ERBB4: variants seen among roughly 807,000 people sequenced by gnomAD.
The protein encoded by ERBB4 is erb-b2 receptor tyrosine kinase 4, also known as receptor tyrosine-protein kinase erbB-4.
Under a neutral mutation model 158.0 loss-of-function variants are expected in ERBB4, and 42 were observed. The observed-to-expected ratio is 0.27, with a 90% CI of 0.21 to 0.34. The LOEUF is 0.34. Ranked by LOEUF, ERBB4 falls within the 10% of genes least tolerant of loss-of-function variation. The pLI is 1.00. For missense variants in ERBB4, 1,333 were observed against 1,624.1 expected, an observed-to-expected ratio of 0.82 and a Z score of 3.08; for synonymous variants, 583 against 558.7, an observed-to-expected ratio of 1.04 and a Z score of -0.61.
chr2:212,510,205 GTATATATATATATATATA>G (rs10556403), intron 1 of ERBB4, among the ~76,000 whole-genome samples: 2 of 130,474 alleles, frequency 1.5e-5, no homozygotes, highest in South Asian at 4.9e-4. Context: ...TAACCACACA[GTATATATATATATATATA>G]TATATATATA....
rs1002924815 is a variant in ERBB4, at chr2:211,523,139, G to C, written c.2487+38764C>G. 7.6e-5 allele frequency among the ~76,000 whole-genome samples: 11 copies of C among 145,442 alleles called. No individual in the cohort carries two copies. The Admixed American group carries it at 8.0e-4, about 11-fold the overall frequency. On this transcript the variant is annotated intron_variant, in intron 20 of 27. Coordinates refer to ENST00000342788, the MANE Select transcript of ERBB4 (RefSeq NM_005235.3). ...GCCCCACTGACAGTACCCCACATAGGAACACCAAATTCAACAACTGCCTAA... is the reference window on the plus strand; with the variant it reads ...GCCCCACTGACAGTACCCCACATAGCAACACCAAATTCAACAACTGCCTAA...
At chr2:211,750,200 C>T (rs2075091141) in intron 5 of ERBB4, among the ~76,000 whole-genome samples, 1 of 152,098 alleles carries the variant, frequency 6.6e-6, no homozygotes, top group Non-Finnish European at 1.5e-5. Flanking sequence ...GTGCCTGGAA[C>T]AGTGCCTGGA....
intron 1 of ERBB4, among the ~76,000 whole-genome samples, chr2:212,393,044 G>A (rs2090924392): frequency 1.3e-5 from 2 of 152,018 alleles, no homozygotes; most frequent in South Asian, 2.1e-4. Context: ...GCAAGCCCTG[G>A]GCAAATTGGC....
intron 1 of ERBB4, among the ~76,000 whole-genome samples, chr2:212,477,504 G>A (rs771549692): frequency 2.6e-5 from 4 of 152,146 alleles, no homozygotes; most frequent in Admixed American, 6.6e-5. Context: ...CCAACTTGCT[G>A]TAAGTCTTTT....
intron 3 of ERBB4, among the ~76,000 whole-genome samples, chr2:211,804,008 G>A (rs1487651095): frequency 1.3e-5 from 2 of 152,160 alleles, no homozygotes; most frequent in African/African-American, 4.8e-5. Context: ...TGTTGCAATG[G>A]AGTAGAATAA....
chr2:212,177,483 C>T (rs556835832), intron 1 of ERBB4, among the ~76,000 whole-genome samples: 2 of 151,972 alleles, frequency 1.3e-5, no homozygotes, highest in Admixed American at 6.6e-5. Flanking sequence ...AGCTTTCTAG[C>T]TTTCTTTTTA....
chr2:212,365,849 A>G (rs1025472690), intron 1 of ERBB4, among the ~76,000 whole-genome samples: 5 of 151,910 alleles, frequency 3.3e-5, no homozygotes, highest in African/African-American at 1.2e-4. Flanking sequence ...ACTGAGGAGA[A>G]CAGGTTTCTA....
At chr2:211,415,177 C>G (rs1421664235) in intron 25 of ERBB4, among the ~76,000 whole-genome samples, 6 of 118,170 alleles carry the variant, frequency 5.1e-5, no homozygotes, top group Admixed American at 1.1e-4. Context: ...AGTGCAGTGG[C>G]GCGACCTCGG....
At chr2:212,334,859 T>C (rs1260139403) in intron 1 of ERBB4, among the ~76,000 whole-genome samples, 1 of 151,984 alleles carries the variant, frequency 6.6e-6, no homozygotes, top group African/African-American at 2.4e-5. Flanking sequence ...AAAACATAAA[T>C]TCCAAAGGGA....
intron 3 of ERBB4, among the ~76,000 whole-genome samples, chr2:211,935,683 G>T (rs1484310238): frequency 6.6e-6 from 1 of 152,036 alleles, no homozygotes; most frequent in Non-Finnish European, 1.5e-5. Flanking sequence ...GCAGCCTGTT[G>T]TGGAACTTCT....
At chr2:211,431,735 T>G (rs537178604) in intron 20 of ERBB4, among the ~76,000 whole-genome samples, 1 of 152,246 alleles carries the variant, frequency 6.6e-6, no homozygotes, top group South Asian at 2.1e-4. Context: ...GAATCCATAG[T>G]GAAATTACAC....
In ERBB4 at chr2:212,010,677, C is replaced by T. The variant is rs190528065; in HGVS notation, c.235-63061G>A. On this transcript the variant is annotated intron_variant, in intron 2 of 27. Coordinates refer to ENST00000342788, the MANE Select transcript of ERBB4 (RefSeq NM_005235.3). ...ATCTTAAACAACAGAAAACAGGGTT[C>T]GAGAGCAGAGAACCAGTCTGACCAC... Among the ~76,000 whole-genome samples, 7 of 152,168 alleles carry T rather than the reference C, an allele frequency of 4.6e-5. No homozygotes were observed. The South Asian group carries it at 8.3e-4, about 18-fold the overall frequency.
intron 1 of ERBB4, among the ~76,000 whole-genome samples, chr2:212,458,923 G>T (rs1440424836): frequency 1.3e-5 from 2 of 152,122 alleles, no homozygotes; most frequent in African/African-American, 4.8e-5. Context: ...TGTAGCACAG[G>T]CATATTATAG....
chr2:211,611,321 G>A (rs1212542352), intron 19 of ERBB4, among the ~76,000 whole-genome samples: 1 of 147,288 alleles, frequency 6.8e-6, no homozygotes, highest in African/African-American at 2.7e-5. Flanking sequence ...ACAGAAAAAG[G>A]AAAAGGGGAG....
chr2:211,666,850 T>C (rs2071649491), intron 14 of ERBB4, among the ~76,000 whole-genome samples: 1 of 152,132 alleles, frequency 6.6e-6, no homozygotes, highest in Non-Finnish European at 1.5e-5. Flanking sequence ...ATAAATAAGA[T>C]ATAGTAAGCA....
At chr2:212,330,750 A>T (rs1407340762) in intron 1 of ERBB4, among the ~76,000 whole-genome samples, 1 of 151,892 alleles carries the variant, frequency 6.6e-6, no homozygotes, top group Non-Finnish European at 1.5e-5. Context: ...ATGCATTTTT[A>T]GAGATAACTA....
intron 20 of ERBB4, among the ~76,000 whole-genome samples, chr2:211,520,602 T>G (rs10203686): frequency 0.73 from 110,133 of 151,896 alleles, 40,030 homozygotes; most frequent in East Asian, 0.83. Context: ...GCTTGTTACA[T>G]AAAAAGTTTG....
At chr2:212,100,067 G>A (rs1399085641) in intron 2 of ERBB4, among the ~76,000 whole-genome samples, 1 of 151,882 alleles carries the variant, frequency 6.6e-6, no homozygotes, top group Non-Finnish European at 1.5e-5. Flanking sequence ...GCAAAAGATT[G>A]TACATCAATG....
intron 1 of ERBB4, among the ~76,000 whole-genome samples, chr2:212,343,336 A>C (rs959527922): frequency 6.6e-6 from 1 of 152,178 alleles, no homozygotes; most frequent in South Asian, 2.1e-4. Context: ...CTATTGCTTT[A>C]ATCTATGCTT....
Sources: allele counts gnomAD v4.1 joint callset (sites outside exome capture counted in the v4.1 genomes callset), GRCh38; gene constraint gnomAD v4.1.1; transcripts MANE v1.5; gene names NCBI Gene and HGNC (gene_info 2026-07-23, HGNC 2026-07-21).